Variants in SHANK2 observed in about 807,000 individuals in gnomAD.
SHANK2 encodes the protein SH3 and multiple ankyrin repeat domains 2.
A neutral mutation model predicts 133.7 loss-of-function variants in SHANK2; 43 were observed. The ratio of observed to expected loss-of-function variants is 0.32; its 90% CI spans 0.25 to 0.41. The LOEUF is 0.41. SHANK2 is among the 10% of genes least tolerant of loss of function. The probability of loss-of-function intolerance (pLI) is 1.00; values close to 1 mark genes in which losing one functional copy is unlikely to be tolerated. For missense variants in SHANK2, 1,994 were observed against 2,235.8 expected, an observed-to-expected ratio of 0.89 and a Z score of 2.18; for synonymous variants, 1,017 against 952.8, an observed-to-expected ratio of 1.07 and a Z score of -1.24.
chr11:71,094,008 G>A (rs573321265), intron 7 of SHANK2, among the ~76,000 whole-genome samples: 1 of 152,164 alleles, frequency 6.6e-6, no homozygotes, highest in Admixed American at 6.5e-5. Flanking sequence ...GGTGAGGCGC[G>A]GAACCCACAA....
chr11:70,843,338 T>C (rs1174182961), intron 11 of SHANK2, among the ~76,000 whole-genome samples: 1 of 131,386 alleles, frequency 7.6e-6, no homozygotes, highest in Non-Finnish European at 1.6e-5. Flanking sequence ...TCCTATGGGG[T>C]GGGCTTGGTG....
chr11:70,837,213 T>A (rs1948832112), intron 11 of SHANK2, among the ~76,000 whole-genome samples: 1 of 152,232 alleles, frequency 6.6e-6, no homozygotes. Context: ...AGCATGCCAC[T>A]GCCCCCTTAC....
intron 6 of SHANK2, among the ~76,000 whole-genome samples, chr11:71,107,840 C>T (rs1419417698): frequency 1.3e-5 from 2 of 152,172 alleles, no homozygotes; most frequent in Non-Finnish European, 1.5e-5. Flanking sequence ...CAGGGGGAGG[C>T]TTGGCTCAGG....
At chr11:70,643,940 G>A (rs1555007306) in intron 17 of SHANK2, among the ~76,000 whole-genome samples, 3 of 150,882 alleles carry the variant, frequency 2.0e-5, no homozygotes, top group South Asian at 2.1e-4. Context: ...ACACAGAGGG[G>A]CAGAGGAGAT....
intron 9 of SHANK2, among the ~76,000 whole-genome samples, chr11:71,073,142 C>CTTTTTTTTTTTTTTTTTT (rs1951165821): frequency 4.9e-5 from 2 of 41,134 alleles, no homozygotes; most frequent in African/African-American, 9.1e-5. Context: ...TTTTCTTTTT[C>CTTTTTTTTTTTTTTTTTT]TTTTCTTTTT....
Position 70,492,416 on chromosome 11 carries a change from C to G in SHANK2, c.2358G>C (p.Glu786Asp). Residue 786 changes from glutamate to aspartate, a missense_variant, in exon 22 of 26, where the codon GAG becomes GAC. Glu to Asp is a conservative substitution (Grantham distance 45, BLOSUM62 2). Coordinates refer to ENST00000601538, the MANE Select transcript of SHANK2 (RefSeq NM_012309.5). ...CCACCCTCGGTTCCACAGCCATGTT[C>G]TCAGCAGCGCGGGAGGGCTTGGAGG... Reference protein sequence around the residue: ...VPASKPSRAAENMAVEPRVAT... With the variant: ...VPASKPSRAADNMAVEPRVAT... The G allele has an allele frequency of 6.2e-7, 1 of 1,613,934 alleles. No homozygotes were observed. Among genetic ancestry groups the G allele is most frequent in the South Asian group, 1.1e-5 (1 of 91,090 alleles).
chr11:71,116,862 C>G (rs990551103), intron 4 of SHANK2, among the ~76,000 whole-genome samples: 3 of 152,132 alleles, frequency 2.0e-5, no homozygotes, highest in Non-Finnish European at 1.5e-5. Flanking sequence ...TCTCACACCC[C>G]CTCTTGCCAC....
intron 1 of SHANK2, among the ~76,000 whole-genome samples, chr11:71,243,699 A>AAAT (rs1213714778): frequency 6.6e-6 from 1 of 152,156 alleles, no homozygotes; most frequent in East Asian, 1.9e-4. Context: ...TGTCTCAAAA[A>AAAT]AATAATAACA....
In SHANK2 at chr11:71,136,083, C is replaced by A. The variant is rs188747048; in HGVS notation, c.207+11037G>T. 2.0e-3 allele frequency among the ~76,000 whole-genome samples: 300 copies of A among 152,190 alleles called. 1 individual carries two copies. The highest frequency in any genetic ancestry group is 2.9e-3 in the Non-Finnish European group (197 of 68,008). The stretch of plus-strand genomic sequence containing the variant: ...TTGCGACGGCTGAATCAAAGATGGT[C>A]CCCACGGCGAAAAAGTGGAAAGAAT... On this transcript the variant is annotated intron_variant, in intron 3 of 25. Coordinates refer to ENST00000601538, the MANE Select transcript of SHANK2 (RefSeq NM_012309.5).
intron 14 of SHANK2, among the ~76,000 whole-genome samples, chr11:70,786,978 CCACCACCAGCAT>C (rs1245663609): frequency 5.3e-5 from 8 of 152,112 alleles, no homozygotes; most frequent in African/African-American, 1.7e-4. Flanking sequence ...ACCATGACCA[CCACCACCAGCAT>C]CACCACCAGC....
At chr11:71,120,634 C>A (rs1952065802) in intron 3 of SHANK2, among the ~76,000 whole-genome samples, 1 of 152,174 alleles carries the variant, frequency 6.6e-6, no homozygotes, top group African/African-American at 2.4e-5. Flanking sequence ...CAAAGCTCCC[C>A]ACAGGGCTGT....
chr11:70,827,637 TG>T (rs370933223), intron 11 of SHANK2, among the ~76,000 whole-genome samples: 23 of 136,110 alleles, frequency 1.7e-4, no homozygotes, highest in Admixed American at 2.2e-4. Context: ...TGTGTGTGTG[TG>T]TTTTTTTTTT....
In SHANK2 at chr11:70,500,785, C is replaced by T; in HGVS notation, c.2288-195G>A. 1 of 753,842 alleles carries T rather than the reference C, an allele frequency of 1.3e-6. No homozygotes were observed. Among genetic ancestry groups the T allele is most frequent in the Admixed American group, 2.0e-5 (1 of 50,004 alleles). 46.7% of individuals were successfully genotyped at this position (753,842 alleles called of 1,614,324 possible). A position where few individuals can be genotyped will look rare whatever the true frequency, so the allele number is the denominator to read the frequency against. On this transcript the variant is annotated intron_variant, in intron 20 of 25. Transcript: ENST00000601538. This position sits in a 1 kb window ranked among gnomAD's most constrained non-coding sequence, Gnocchi z 4.5. ...AGTGGCTTTCCCCAAACCTTGGCTGCCCGCACAACTCTGTCCTGTCTGCCC... is the reference window on the plus strand; with the variant it reads ...AGTGGCTTTCCCCAAACCTTGGCTGTCCGCACAACTCTGTCCTGTCTGCCC...
At chr11:70,677,288 C>A (rs1368589372) in intron 15 of SHANK2, among the ~76,000 whole-genome samples, 1 of 152,210 alleles carries the variant, frequency 6.6e-6, no homozygotes, top group Admixed American at 6.5e-5. Context: ...ACACCCCAGA[C>A]AAGCCACACA....
intron 14 of SHANK2, among the ~76,000 whole-genome samples, chr11:70,775,688 A>T (rs1373629231): frequency 6.6e-6 from 1 of 152,150 alleles, no homozygotes; most frequent in Non-Finnish European, 1.5e-5. Context: ...GGCTGTGGAC[A>T]GGGGGCTACA....
chr11:70,607,411 C>G (rs554997104), intron 17 of SHANK2, among the ~76,000 whole-genome samples: 1 of 152,180 alleles, frequency 6.6e-6, no homozygotes, highest in African/African-American at 2.4e-5. Context: ...CAAGTACATG[C>G]TTGGCCAGGT....
chr11:70,585,063 T>G (rs1360936251), intron 17 of SHANK2, among the ~76,000 whole-genome samples: 1 of 152,198 alleles, frequency 6.6e-6, no homozygotes, highest in East Asian at 1.9e-4. Context: ...ATTTTGTGTG[T>G]GGGGGCATGG....
At chr11:70,752,493 C>T (rs534920701) in intron 14 of SHANK2, among the ~76,000 whole-genome samples, 55 of 152,204 alleles carry the variant, frequency 3.6e-4, no homozygotes, top group African/African-American at 9.9e-4. Flanking sequence ...CCGAGGCAGA[C>T]GGATCACAAG....
intron 15 of SHANK2, among the ~76,000 whole-genome samples, chr11:70,691,893 C>T (rs1243753810): frequency 2.6e-5 from 4 of 152,048 alleles, no homozygotes; most frequent in Admixed American, 2.0e-4. Flanking sequence ...AACTCTGTCT[C>T]AAAAATAAAT....
Sources: gnomAD v4.1 joint callset for allele counts (sites outside exome capture counted in the v4.1 genomes callset) on GRCh38, gnomAD v4.1.1 for gene constraint, Gnocchi (gnomAD v3.1) non-coding constraint, MANE v1.5 for transcripts, NCBI Gene and HGNC (gene_info 2026-07-23, HGNC 2026-07-21) for gene names.